Variants in PTPRT observed in about 807,000 individuals in gnomAD.
PTPRT encodes protein tyrosine phosphatase receptor type T.
A neutral mutation model predicts 176.8 loss-of-function variants in PTPRT; 56 were observed. The observed-to-expected ratio is 0.32, with a 90% CI of 0.26 to 0.40. PTPRT has a LOEUF of 0.40. Among genes scored for constraint, PTPRT ranks in the 10% least tolerant of loss-of-function variants. The pLI, the probability that PTPRT is intolerant of heterozygous loss-of-function variation, is 1.00. For missense variants in PTPRT, 1,540 were observed against 1,908.2 expected (o/e 0.81, Z 3.60); for synonymous variants, 783 against 739.0 (o/e 1.06, Z -0.96).
intron 2 of PTPRT, among the ~76,000 whole-genome samples, chr20:42,856,346 A>C (rs139381874): frequency 6.0e-4 from 91 of 152,282 alleles, no homozygotes; most frequent in African/African-American, 2.1e-3. Context: ...TATAGTGGTC[A>C]AGTAGAGGGG....
At chr20:42,151,019 A>G (rs921519831) in intron 17 of PTPRT, among the ~76,000 whole-genome samples, 1 of 152,234 alleles carries the variant, frequency 6.6e-6, no homozygotes, top group Admixed American at 6.5e-5. Context: ...GTAGGTGCCC[A>G]GAATCTTCCA....
At chr20:42,351,426 C>T (rs965836949) in intron 10 of PTPRT, among the ~76,000 whole-genome samples, 10 of 151,946 alleles carry the variant, frequency 6.6e-5, no homozygotes, top group African/African-American at 2.2e-4. Flanking sequence ...AACATTATAA[C>T]GAAAGCAATG....
chr20:42,930,564 C>T (rs973742924), intron 1 of PTPRT, among the ~76,000 whole-genome samples: 1 of 152,048 alleles, frequency 6.6e-6, no homozygotes, highest in African/African-American at 2.4e-5. Flanking sequence ...CTCACTGTAA[C>T]CTTAAACTCC....
At chr20:42,474,265 G>C (rs779870540) in intron 7 of PTPRT, among the ~76,000 whole-genome samples, 1 of 152,174 alleles carries the variant, frequency 6.6e-6, no homozygotes, top group Non-Finnish European at 1.5e-5. Flanking sequence ...TTAAGGGTAA[G>C]GCTACCTCTG....
At chr20:42,131,547 T>A (rs1988122466) in intron 18 of PTPRT, among the ~76,000 whole-genome samples, 1 of 152,122 alleles carries the variant, frequency 6.6e-6, no homozygotes, top group African/African-American at 2.4e-5. Flanking sequence ...AGAAACGAAC[T>A]TATTTATTCT....
chr20:42,274,535 CAG>C (rs2056993052), intron 13 of PTPRT, among the ~76,000 whole-genome samples: 1 of 104,744 alleles, frequency 9.5e-6, no homozygotes, highest in Non-Finnish European at 1.8e-5. Flanking sequence ...AGGCCCTGTA[CAG>C]TGTGTGTGTG....
chr20:42,040,912 GAGGA>G, the PTPRT span, among the ~76,000 whole-genome samples: 6 of 152,294 alleles, frequency 3.9e-5, no homozygotes, highest in South Asian at 8.3e-4. Context: ...GAGTCACCTG[GAGGA>G]AGGATTTTCA....
At chr20:42,624,611 A>G (rs1438760850) in intron 7 of PTPRT, among the ~76,000 whole-genome samples, 1 of 152,174 alleles carries the variant, frequency 6.6e-6, no homozygotes, top group Non-Finnish European at 1.5e-5. Context: ...CTTGGTCCCC[A>G]TAACCCAACT....
chr20:42,322,313 G>C (rs1161088196), intron 11 of PTPRT, among the ~76,000 whole-genome samples: 3 of 150,408 alleles, frequency 2.0e-5, no homozygotes, highest in African/African-American at 2.5e-5. Flanking sequence ...TCAATCCTAA[G>C]CCAAAAGAAC....
At chr20:42,146,009 G>A (rs12625871) in intron 17 of PTPRT, among the ~76,000 whole-genome samples, 10,049 of 151,954 alleles carry the variant, frequency 0.066, 443 homozygotes, top group East Asian at 0.2. Flanking sequence ...TCTCCTTTTC[G>A]TATTTCTCTT....
At chr20:42,598,484 G>T (rs556952019) in intron 7 of PTPRT, among the ~76,000 whole-genome samples, 58 of 152,178 alleles carry the variant, frequency 3.8e-4, no homozygotes, top group Middle Eastern at 3.4e-3. Flanking sequence ...CTTATGTTTT[G>T]TAAAATATAG....
At chr20:42,204,985 T>A (rs543923453) in intron 15 of PTPRT, among the ~76,000 whole-genome samples, 31 of 148,908 alleles carry the variant, frequency 2.1e-4, no homozygotes, top group South Asian at 1.1e-3. Context: ...TTTTTTTTTT[T>A]TTATTATACT....
At chr20:42,704,257 C>G (rs904409823) in intron 6 of PTPRT, among the ~76,000 whole-genome samples, 1 of 152,060 alleles carries the variant, frequency 6.6e-6, no homozygotes, top group Non-Finnish European at 1.5e-5. Context: ...ACTCCACCCC[C>G]TTGATGTCTC....
chr20:43,079,772 T>A (rs980103708), intron 1 of PTPRT, among the ~76,000 whole-genome samples: 8 of 152,192 alleles, frequency 5.3e-5, no homozygotes, highest in Admixed American at 2.0e-4. Flanking sequence ...CGGTTAATTA[T>A]TTTTTTCTCT....
At chr20:42,704,826 G>T (rs1446064432) in intron 6 of PTPRT, among the ~76,000 whole-genome samples, 1 of 152,156 alleles carries the variant, frequency 6.6e-6, no homozygotes, top group Admixed American at 6.5e-5. Context: ...GGTATTGGCT[G>T]TTTACTTTCT....
intron 7 of PTPRT, among the ~76,000 whole-genome samples, chr20:42,559,510 G>A (rs1448140392): frequency 6.6e-6 from 1 of 152,120 alleles, no homozygotes; most frequent in African/African-American, 2.4e-5. Context: ...CCAAGTTTCT[G>A]CCTCACGATG....
At chr20:42,113,819 G>A (rs928027298) in intron 22 of PTPRT, among the ~76,000 whole-genome samples, 1 of 152,196 alleles carries the variant, frequency 6.6e-6, no homozygotes, top group Non-Finnish European at 1.5e-5. Context: ...TTGAAGTACC[G>A]ATGGTTTCCT....
chr20:42,516,884 C>T (rs1023659264), intron 7 of PTPRT, among the ~76,000 whole-genome samples: 2 of 152,026 alleles, frequency 1.3e-5, no homozygotes, highest in Admixed American at 6.6e-5. Context: ...AGAATGAATT[C>T]GCCTTAGTCA....
chr20:42,080,917 C>T lies in PTPRT; in HGVS notation c.4288G>A (p.Val1430Ile), dbSNP rs780807494. ...AAATATTCCAGTGCCACCTCGTATA[C>T]AAATTTATACTGTTCCTGAGAGGCG... ...MVETLEQYKFVYEVALEYLSS... is the reference protein window; with the variant it reads ...MVETLEQYKFIYEVALEYLSS... The change falls in exon 31 of 31, where the codon GTA becomes ATA. Residue 1430 changes from valine (V) to isoleucine (I), a missense_variant. This residue lies in a region of PTPRT where 342 missense variants were observed against 394.0 expected (regional missense o/e 0.87). Coordinates refer to ENST00000373187, the MANE Select transcript of PTPRT (RefSeq NM_007050.6). 2 of 1,607,954 alleles carry T rather than the reference C, an allele frequency of 1.2e-6. No homozygotes were observed. Among genetic ancestry groups the T allele is most frequent in the Non-Finnish European group, 8.5e-7 (1 of 1,175,106 alleles).
Sources: gnomAD v4.1 joint callset for allele counts (sites outside exome capture counted in the v4.1 genomes callset) on GRCh38, gnomAD v4.1.1 for gene constraint, gnomAD v4.1.1 regional missense constraint, MANE v1.5 for transcripts, NCBI Gene and HGNC (gene_info 2026-07-23, HGNC 2026-07-21) for gene names.